The following ELMO1 variants were observed in gnomAD, a reference collection of about 807,000 sequenced individuals.
The protein encoded by ELMO1 is engulfment and cell motility 1, also known as engulfment and cell motility protein 1.
A neutral mutation model predicts 98.9 loss-of-function variants in ELMO1; 26 were observed. The observed-to-expected ratio is 0.26, with a 90% CI of 0.19 to 0.36. ELMO1 has a LOEUF of 0.36. ELMO1 is among the 10% of genes least tolerant of loss of function. ELMO1 has a pLI of 1.00. For missense variants in ELMO1, 627 were observed against 935.2 expected (o/e 0.67, Z 4.30); for synonymous variants, 346 against 346.0 (o/e 1.00, Z 0.00).
chr7:37,194,042 C>T (rs1227601620), intron 13 of ELMO1, among the ~76,000 whole-genome samples: 2 of 152,184 alleles, frequency 1.3e-5, no homozygotes, highest in African/African-American at 2.4e-5. Context: ...AGAACAAGCA[C>T]AGAACTTGAC....
intron 13 of ELMO1, among the ~76,000 whole-genome samples, chr7:37,207,328 T>G (rs1792690818): frequency 6.6e-6 from 1 of 151,762 alleles, no homozygotes; most frequent in Non-Finnish European, 1.5e-5. Context: ...AAGTGGGTGG[T>G]TCACCTGAGA....
At chr7:37,348,418 AT>A (rs2131285682) in intron 1 of ELMO1, among the ~76,000 whole-genome samples, 1 of 152,204 alleles carries the variant, frequency 6.6e-6, no homozygotes, top group Admixed American at 6.5e-5. Context: ...AGAGAATGCT[AT>A]ACCGTTCCTG....
intron 8 of ELMO1, among the ~76,000 whole-genome samples, chr7:37,231,321 A>C (rs879147124): frequency 8.0e-6 from 1 of 125,214 alleles, no homozygotes; most frequent in African/African-American, 2.9e-5. Flanking sequence ...CCCTAAGATA[A>C]TGATTAATTT....
intron 17 of ELMO1, 30 bp downstream of exon 17, chr7:36,894,824 G>C: frequency 6.2e-7 from 1 of 1,613,706 alleles, no homozygotes; most frequent in Non-Finnish European, 8.5e-7. Context: ...GAGTCTTTTG[G>C]GAGATAGAAG....
chr7:37,133,034 G>T (rs1478606230), intron 14 of ELMO1, 96 bp downstream of exon 14: 2 of 764,142 alleles, frequency 2.6e-6, no homozygotes, highest in African/African-American at 1.8e-5. Context: ...GAAAATATGG[G>T]GTCACTCATC....
At chr7:37,230,123 C>A (rs1032181794) in intron 8 of ELMO1, among the ~76,000 whole-genome samples, 1 of 152,012 alleles carries the variant, frequency 6.6e-6, no homozygotes, top group African/African-American at 2.4e-5. Context: ...TGCTTCCAAG[C>A]AAATTTTATT....
intron 15 of ELMO1, among the ~76,000 whole-genome samples, chr7:37,086,974 T>C (rs1193039529): frequency 6.6e-6 from 1 of 152,130 alleles, no homozygotes; most frequent in Non-Finnish European, 1.5e-5. Flanking sequence ...AAGAAAACAT[T>C]TTGCTTCTCT....
intron 14 of ELMO1, among the ~76,000 whole-genome samples, chr7:37,106,566 C>A (rs533763082): frequency 6.6e-6 from 1 of 151,994 alleles, no homozygotes; most frequent in Non-Finnish European, 1.5e-5. Flanking sequence ...TATAACTTAC[C>A]CAGTCTAGGG....
chr7:37,013,497 A>G (rs1436156608), intron 15 of ELMO1, 62 bp from the exon 16 acceptor site: 6 of 1,567,228 alleles, frequency 3.8e-6, no homozygotes, highest in Non-Finnish European at 5.2e-6. Context: ...CGAGAACATA[A>G]CCACAGGTAT....
intron 14 of ELMO1, among the ~76,000 whole-genome samples, chr7:37,113,761 G>A: frequency 6.6e-6 from 1 of 152,164 alleles, no homozygotes; most frequent in East Asian, 1.9e-4. Context: ...TTAGGGTAGG[G>A]TCCGAATCCA....
At chr7:37,025,936 T>TCTATCTA (rs1554395451) in intron 15 of ELMO1, among the ~76,000 whole-genome samples, 1,746 of 148,220 alleles carry the variant, frequency 0.012, 32 homozygotes, top group African/African-American at 0.037. Flanking sequence ...TATCTATCTA[T>TCTATCTA]TTTTTTCTAT....
At chr7:37,269,994 C>G (rs1222429930) in intron 5 of ELMO1, 1 of 152,162 alleles carries the variant, frequency 6.6e-6, no homozygotes, top group Admixed American at 6.5e-5. Context: ...CTAACTCCTT[C>G]TTTGGCTTAG....
At chr7:37,248,480 A>G (rs1795143151) in intron 6 of ELMO1, among the ~76,000 whole-genome samples, 1 of 152,214 alleles carries the variant, frequency 6.6e-6, no homozygotes. Context: ...TCTGCCACAC[A>G]ATCTCTGACA....
At chr7:36,968,973 TTAG>T (rs1789682221) in intron 16 of ELMO1, among the ~76,000 whole-genome samples, 1 of 152,090 alleles carries the variant, frequency 6.6e-6, no homozygotes, top group African/African-American at 2.4e-5. Flanking sequence ...TTTGTAATCT[TTAG>T]TAGTAGTTTA....
chr7:37,323,830 T>C (rs1799647191), intron 2 of ELMO1, among the ~76,000 whole-genome samples: 1 of 152,224 alleles, frequency 6.6e-6, no homozygotes, highest in South Asian at 2.1e-4. Context: ...GGTTTAGTCC[T>C]GCATAACCCA....
intron 13 of ELMO1, among the ~76,000 whole-genome samples, chr7:37,210,536 T>A (rs1792898978): frequency 6.6e-6 from 1 of 151,094 alleles, no homozygotes; most frequent in Non-Finnish European, 1.5e-5. Context: ...TGTCTGTATA[T>A]ATGTATATGC....
chr7:37,370,773 G>A (rs1802085613), intron 1 of ELMO1, among the ~76,000 whole-genome samples: 1 of 152,108 alleles, frequency 6.6e-6, no homozygotes, highest in Admixed American at 6.5e-5. Context: ...CCAAGTTTTG[G>A]CAAGTATGTG....
At chr7:37,187,916 C>G (rs1341175041) in intron 13 of ELMO1, among the ~76,000 whole-genome samples, 2 of 152,082 alleles carry the variant, frequency 1.3e-5, no homozygotes, top group African/African-American at 2.4e-5. Flanking sequence ...AAATTTCTAT[C>G]CCAGCCCAAA....
chr7:37,443,878 C>G (rs1805509065), intron 1 of ELMO1, among the ~76,000 whole-genome samples: 1 of 152,126 alleles, frequency 6.6e-6, no homozygotes, highest in Non-Finnish European at 1.5e-5. Context: ...CTTCATGATC[C>G]TTTTATTATG....
Sources: allele counts gnomAD v4.1 joint callset (sites outside exome capture counted in the v4.1 genomes callset), GRCh38; gene constraint gnomAD v4.1.1; transcripts MANE v1.5; gene names NCBI Gene and HGNC (gene_info 2026-07-23, HGNC 2026-07-21).